PTPRN2: variants seen among roughly 807,000 people sequenced by gnomAD.
The protein encoded by PTPRN2 is receptor-type tyrosine-protein phosphatase N2.
A neutral mutation model predicts 118.8 loss-of-function variants in PTPRN2; 74 were observed. That is an observed-to-expected ratio of 0.62 (90% CI 0.52 to 0.76). PTPRN2 has a LOEUF of 0.76. Among genes scored for constraint, PTPRN2 ranks in the 30% least tolerant of loss-of-function variants. PTPRN2 has a pLI of 0.00. For missense variants in PTPRN2, 1,481 were observed against 1,394.4 expected (o/e 1.06, Z -0.99); for synonymous variants, 641 against 608.0 (o/e 1.05, Z -0.80).
In PTPRN2 at chr7:158,138,516, C is replaced by G; in HGVS notation, c.911-1G>C. The G allele has an allele frequency of 6.2e-7, 1 of 1,610,070 alleles. No homozygotes were observed. On this transcript the variant is annotated splice_acceptor_variant, in intron 6 of 22. Transcript: ENST00000389418. LOFTEE classifies it high-confidence loss of function. ...TTCAGGAGGGTATGAATCCGTGCTC[C>G]TAGGGGCACACACACAAACACAAGG...
intron 12 of PTPRN2, among the ~76,000 whole-genome samples, chr7:157,758,739 T>C (rs1801959998): frequency 6.8e-6 from 1 of 147,414 alleles, no homozygotes. Flanking sequence ...GTGGAGGCAG[T>C]GGTCCCTTCC....
At chr7:158,256,125 C>T (rs1022648803) in intron 3 of PTPRN2, among the ~76,000 whole-genome samples, 1 of 152,156 alleles carries the variant, frequency 6.6e-6, no homozygotes, top group East Asian at 1.9e-4. Context: ...TCGGGGGAGG[C>T]CTGCCTGCAG....
rs369149048 is a variant in PTPRN2 at position 157,855,654 on chromosome 7, C to T, written c.1788+43019G>A. ...AGCCCTCACTGCATAGAGCACATCC[C>T]GGCGGGAGCGTTAGAGCTGAGGGAT... On this transcript the variant is annotated intron_variant, in intron 12 of 22. Transcript: ENST00000389418. 7.9e-5 allele frequency among the ~76,000 whole-genome samples: 12 copies of T among 152,296 alleles called. No individual in the cohort carries two copies. The South Asian group carries it at 1.2e-3, about 16-fold the overall frequency.
In PTPRN2 at chr7:158,003,926, G is replaced by A. The variant is rs1446735737; in HGVS notation, c.1723+77372C>T. Among the ~76,000 whole-genome samples the A allele has an allele frequency of 1.3e-5, 2 of 152,050 alleles. No homozygotes were observed. Among genetic ancestry groups the A allele is most frequent in the Admixed American group, 6.5e-5 (1 of 15,268 alleles). ...CTTCATTTACAATTCCACAAGCTACGAAAAATCATTTGCTACTGTCATAGC... is the reference window on the plus strand; with the variant it reads ...CTTCATTTACAATTCCACAAGCTACAAAAAATCATTTGCTACTGTCATAGC... On this transcript the variant is annotated intron_variant, in intron 11 of 22. Transcript: ENST00000389418. The surrounding 1 kb of genome is among the most constrained non-coding windows in gnomAD (Gnocchi z 5.0).
chr7:157,887,206 TG>T (rs1796504517), intron 12 of PTPRN2, among the ~76,000 whole-genome samples: 1 of 152,120 alleles, frequency 6.6e-6, no homozygotes, highest in South Asian at 2.1e-4. Flanking sequence ...CAGAGCTGCC[TG>T]GGCTGGGCTG....
intron 11 of PTPRN2, among the ~76,000 whole-genome samples, chr7:157,920,074 C>A (rs961173590): frequency 6.6e-5 from 10 of 152,054 alleles, no homozygotes; most frequent in Non-Finnish European, 1.5e-4. Context: ...GTAAGTGCAC[C>A]CTGTGATGCT....
In PTPRN2 at chr7:158,093,716, A is replaced by G. The variant is rs562108678; in HGVS notation, c.1644-12339T>C. On this transcript the variant is annotated intron_variant, in intron 10 of 22. Transcript: ENST00000389418. The surrounding 1 kb of genome is among the most constrained non-coding windows in gnomAD (Gnocchi z 4.4). Reference sequence around the variant, plus strand: ...ATGCATACCTACTTTCCTTACACACACTTTTAATTTTACCACATTTCCTGC... The same window carrying G: ...ATGCATACCTACTTTCCTTACACACGCTTTTAATTTTACCACATTTCCTGC... Among the ~76,000 whole-genome samples, 57 of 152,216 alleles carry G rather than the reference A, an allele frequency of 3.7e-4. 1 individual carries two copies. The South Asian group carries it at 0.011, about 30-fold the overall frequency.
intron 3 of PTPRN2, among the ~76,000 whole-genome samples, chr7:158,264,046 A>T (rs1160208953): frequency 2.0e-5 from 3 of 152,178 alleles, no homozygotes; most frequent in Non-Finnish European, 4.4e-5. Flanking sequence ...TTCATCTTCC[A>T]GTGCAGGACT....
At chr7:158,177,674 G>A (rs1824339038) in intron 5 of PTPRN2, among the ~76,000 whole-genome samples, 1 of 152,198 alleles carries the variant, frequency 6.6e-6, no homozygotes, top group South Asian at 2.1e-4. Context: ...CAACAGAAAT[G>A]AGACTCACTG....
intron 13 of PTPRN2, among the ~76,000 whole-genome samples, chr7:157,681,750 G>GT (rs1323494199): frequency 6.6e-6 from 1 of 152,180 alleles, no homozygotes; most frequent in Admixed American, 6.5e-5. Flanking sequence ...GCCCACCCAT[G>GT]TAACTCTGAT....
intron 1 of PTPRN2, among the ~76,000 whole-genome samples, chr7:158,551,227 A>G (rs1188136585): frequency 6.6e-6 from 1 of 152,184 alleles, no homozygotes; most frequent in African/African-American, 2.4e-5. Flanking sequence ...GTGTCCTCCC[A>G]TGGTGGGAAG....
chr7:157,547,861 G>A (rs904087352), intron 22 of PTPRN2, among the ~76,000 whole-genome samples: 3 of 152,238 alleles, frequency 2.0e-5, no homozygotes, highest in South Asian at 2.1e-4. Context: ...CCTCACAGCC[G>A]TGAAGCGTCC....
chr7:158,545,107 T>C (rs1826206251), intron 1 of PTPRN2, among the ~76,000 whole-genome samples: 1 of 152,244 alleles, frequency 6.6e-6, no homozygotes, highest in African/African-American at 2.4e-5. Flanking sequence ...GGCTCTCACT[T>C]CCAGCCTCAA....
intron 8 of PTPRN2, among the ~76,000 whole-genome samples, chr7:158,135,614 C>T (rs187377261): frequency 2.1e-3 from 324 of 152,248 alleles, no homozygotes; most frequent in Admixed American, 6.7e-3. Context: ...CTTAGGCTAA[C>T]GGCAGCCCCC....
Position 158,101,610 on chromosome 7 carries a change from C to A in PTPRN2, c.1643+9219G>T, listed in dbSNP as rs921121659. ...CTTCCAGTCATCTAGCCCAAACAAT[C>A]CCACTGTATACAAAGAAAGACCTCA... On this transcript the variant is annotated intron_variant, in intron 10 of 22. Transcript: ENST00000389418. Among the ~76,000 whole-genome samples, 82 of 152,194 alleles carry A rather than the reference C, an allele frequency of 5.4e-4. 1 individual carries two copies. The highest frequency in any genetic ancestry group is 1.6e-4 in the Non-Finnish European group (11 of 68,040).
chr7:158,555,478 G>A lies in PTPRN2; in HGVS notation c.112+32080C>T, dbSNP rs1826916835. Among the ~76,000 whole-genome samples, 2 of 152,218 alleles carry A rather than the reference G, an allele frequency of 1.3e-5. No individual in the cohort carries two copies. The highest frequency in any genetic ancestry group is 4.1e-4 in the South Asian group (2 of 4,828). On this transcript the variant is annotated intron_variant, in intron 1 of 22. Transcript: ENST00000389418. This position sits in a 1 kb window ranked among gnomAD's most constrained non-coding sequence, Gnocchi z 4.7. ...ACGTCACCGGGGTGGGGCAGGAGCA[G>A]GAAGAGGCCCATGCTGCCATGTCCC... is the stretch of plus-strand genomic sequence containing the variant.
rs142834437 is a variant in PTPRN2, at chr7:158,346,697, A to G, written c.164-29765T>C. On this transcript the variant is annotated intron_variant, in intron 2 of 22. Transcript: ENST00000389418. ...TTGAGAGGCCTCCATACAGTTCTCC[A>G]TAATGACTGTACCGATTTAGATTCC... Among the ~76,000 whole-genome samples the G allele has an allele frequency of 1.9e-4, 29 of 152,364 alleles. No homozygotes were observed. In the East Asian group the frequency reaches 4.4e-3, roughly 23 times the overall value.
chr7:158,018,335 C>T (rs987048599), intron 11 of PTPRN2, among the ~76,000 whole-genome samples: 66 of 152,204 alleles, frequency 4.3e-4, no homozygotes, highest in African/African-American at 1.5e-3. Context: ...ATGTTTCTAA[C>T]ACACGGCTAA....
intron 16 of PTPRN2, among the ~76,000 whole-genome samples, chr7:157,602,933 G>C (rs1801765862): frequency 6.6e-6 from 1 of 152,266 alleles, no homozygotes; most frequent in Non-Finnish European, 1.5e-5. Context: ...GCATCCTGCA[G>C]GCACCATGTT....
Sources: gnomAD v4.1 joint callset for allele counts (sites outside exome capture counted in the v4.1 genomes callset) on GRCh38, gnomAD v4.1.1 for gene constraint, Gnocchi (gnomAD v3.1) non-coding constraint, MANE v1.5 for transcripts, NCBI Gene and HGNC (gene_info 2026-07-23, HGNC 2026-07-21) for gene names.